Variants in CSNK2A2 observed in about 807,000 individuals in gnomAD.
CSNK2A2 encodes casein kinase 2 alpha 2, also known as casein kinase II subunit alpha'.
In CSNK2A2, 8 loss-of-function variants were observed where a neutral mutation model predicts 54.0. The observed-to-expected ratio is 0.15, with a 90% CI of 0.09 to 0.27. The LOEUF (loss-of-function observed/expected upper bound fraction) is 0.27. Among genes scored for constraint, CSNK2A2 ranks in the 10% least tolerant of loss-of-function variants. CSNK2A2 has a pLI of 1.00. For missense variants in CSNK2A2, 242 were observed against 439.4 expected (o/e 0.55, Z 4.02); for synonymous variants, 141 against 153.9 (o/e 0.92, Z 0.62).
intron 8 of CSNK2A2, among the ~76,000 whole-genome samples, 192 bp from the exon 9 acceptor site, chr16:58,166,876 T>C (rs1169021311): frequency 6.6e-6 from 1 of 152,178 alleles, no homozygotes; most frequent in Non-Finnish European, 1.5e-5. Flanking sequence ...CCAAACGGCC[T>C]TTAAAATAAT....
intron 4 of CSNK2A2, among the ~76,000 whole-genome samples, chr16:58,178,246 T>C (rs2142429498): frequency 6.6e-6 from 1 of 152,036 alleles, no homozygotes; most frequent in Middle Eastern, 3.4e-3. Context: ...TTTTTTTTTT[T>C]GTATTTCAAA....
intron 4 of CSNK2A2, among the ~76,000 whole-genome samples, chr16:58,181,739 G>A (rs189278589): frequency 6.6e-6 from 1 of 152,122 alleles, no homozygotes; most frequent in Admixed American, 6.5e-5. Flanking sequence ...GAAGAAAGGG[G>A]AGAAAAATCA....
At chr16:58,175,602 A>G (rs1338064107) in intron 4 of CSNK2A2, among the ~76,000 whole-genome samples, 1 of 152,260 alleles carries the variant, frequency 6.6e-6, no homozygotes, top group Non-Finnish European at 1.5e-5. Flanking sequence ...AGGAATAGGC[A>G]GCTGGAATAC....
chr16:58,191,686 A>C (rs1039632157), intron 2 of CSNK2A2, among the ~76,000 whole-genome samples: 1 of 151,484 alleles, frequency 6.6e-6, no homozygotes, highest in Non-Finnish European at 1.5e-5. Context: ...TTTTAACACA[A>C]TTTTTTTTTA....
At chr16:58,163,498 G>A (rs966392476) in intron 11 of CSNK2A2, 1 of 150,992 alleles carries the variant, frequency 6.6e-6, no homozygotes, top group South Asian at 2.2e-4. Context: ...GGAAAACTGC[G>A]GGGATGAGGT....
chr16:58,197,475 AG>A lies in CSNK2A2; in HGVS notation c.104+157del, dbSNP rs1326932179. Among the ~76,000 whole-genome samples the A allele has an allele frequency of 2.0e-5, 3 of 152,168 alleles. No homozygotes were observed. Among genetic ancestry groups the A allele is most frequent in the East Asian group, 3.9e-4 (2 of 5,158 alleles). On this transcript the variant is annotated intron_variant, in intron 1 of 11. Transcript: ENST00000262506. This position sits in a 1 kb window ranked among gnomAD's most constrained non-coding sequence, Gnocchi z 4.0. Reference sequence around the variant, plus strand: ...GAAACGGGGGTAAAGGGGAGGGAAGAGGAAGACGAGGACATGTGCGAGAGCG... The same window carrying A: ...GAAACGGGGGTAAAGGGGAGGGAAGAGAAGACGAGGACATGTGCGAGAGCG...
intron 11 of CSNK2A2, chr16:58,158,859 C>T (rs1342116841): frequency 1.3e-5 from 2 of 152,158 alleles, no homozygotes; most frequent in African/African-American, 4.8e-5. Flanking sequence ...TTTAACTCTC[C>T]CCTGGAAACA....
At chr16:58,181,498 C>CA (rs889320708) in intron 4 of CSNK2A2, among the ~76,000 whole-genome samples, 91 of 152,072 alleles carry the variant, frequency 6.0e-4, no homozygotes, top group African/African-American at 2.2e-3. Flanking sequence ...AGCAGACATT[C>CA]AAAAACCATG....
intron 5 of CSNK2A2, among the ~76,000 whole-genome samples, chr16:58,170,399 T>C (rs1042586255): frequency 3.3e-5 from 5 of 152,124 alleles, no homozygotes; most frequent in African/African-American, 1.2e-4. Context: ...CTGAGATTCA[T>C]CCAAGTTGTT....
At chr16:58,180,452 A>T (rs1567469641) in intron 4 of CSNK2A2, among the ~76,000 whole-genome samples, 1 of 151,992 alleles carries the variant, frequency 6.6e-6, no homozygotes, top group Non-Finnish European at 1.5e-5. Flanking sequence ...TTGAAAGTGA[A>T]TAAAATATAT....
intron 8 of CSNK2A2, among the ~76,000 whole-genome samples, chr16:58,166,968 A>G (rs1415138659): frequency 2.0e-5 from 3 of 152,210 alleles, no homozygotes; most frequent in Non-Finnish European, 4.4e-5. Flanking sequence ...TTTATTAGAC[A>G]AGGAGGTGCC....
intron 11 of CSNK2A2, chr16:58,162,463 A>AT (rs945706296): frequency 6.6e-6 from 1 of 151,978 alleles, no homozygotes; most frequent in African/African-American, 2.4e-5. Context: ...TTTCATTTGT[A>AT]TTTTAAGTTC....
At chr16:58,192,123 T>A (rs1962333759) in intron 2 of CSNK2A2, among the ~76,000 whole-genome samples, 1 of 152,208 alleles carries the variant, frequency 6.6e-6, no homozygotes, top group Non-Finnish European at 1.5e-5. Context: ...GCAGGAAATG[T>A]ATGCTTATTT....
chr16:58,172,753 T>C lies in CSNK2A2; in HGVS notation c.429+1698A>G, dbSNP rs138722857. Among the ~76,000 whole-genome samples the C allele has an allele frequency of 2.0e-5, 3 of 152,328 alleles. No homozygotes were observed. The East Asian group carries it at 5.8e-4, about 29-fold the overall frequency. On this transcript the variant is annotated intron_variant, in intron 5 of 11. Coordinates refer to ENST00000262506, the MANE Select transcript of CSNK2A2 (RefSeq NM_001896.4). Reference sequence around the variant, plus strand: ...TTTCAGTTTTAAAATCTCGTACAGTTTCTGACCATTAAGCATGAATGACGT... The same window carrying C: ...TTTCAGTTTTAAAATCTCGTACAGTCTCTGACCATTAAGCATGAATGACGT...
chr16:58,167,631 G>GA (rs746506659), intron 7 of CSNK2A2, 54 bp downstream of exon 7: 39 of 1,353,696 alleles, frequency 2.9e-5, no homozygotes, highest in Non-Finnish European at 3.9e-5. Flanking sequence ...CAGCAAACCA[G>GA]AAAAGCCCTA....
intron 2 of CSNK2A2, among the ~76,000 whole-genome samples, chr16:58,193,869 G>A (rs932182228): frequency 6.6e-6 from 1 of 152,066 alleles, no homozygotes; most frequent in Non-Finnish European, 1.5e-5. Flanking sequence ...TCTATTGATT[G>A]GAAAGTTTTA....
chr16:58,194,538 C>T (rs1187258044), intron 2 of CSNK2A2, among the ~76,000 whole-genome samples: 2 of 152,118 alleles, frequency 1.3e-5, no homozygotes, highest in Non-Finnish European at 2.9e-5. Flanking sequence ...CAAACAACAT[C>T]AAGAAGAAAC....
chr16:58,189,252 G>C (rs555125945), intron 2 of CSNK2A2, among the ~76,000 whole-genome samples: 2 of 152,050 alleles, frequency 1.3e-5, no homozygotes, highest in Non-Finnish European at 2.9e-5. Context: ...AACTGCGCCC[G>C]GCCAAAGCTG....
intron 5 of CSNK2A2, among the ~76,000 whole-genome samples, chr16:58,173,756 GCC>G (rs1961802074): frequency 6.6e-6 from 1 of 152,178 alleles, no homozygotes. Flanking sequence ...TCTATAATAT[GCC>G]TACATATTCA....
Sources: gnomAD v4.1 joint callset for allele counts (sites outside exome capture counted in the v4.1 genomes callset) on GRCh38, gnomAD v4.1.1 for gene constraint, Gnocchi (gnomAD v3.1) non-coding constraint, MANE v1.5 for transcripts, NCBI Gene and HGNC (gene_info 2026-07-23, HGNC 2026-07-21) for gene names.